ALMS1: variants seen among roughly 807,000 people sequenced by gnomAD.
The protein encoded by ALMS1 is centrosome-associated protein ALMS1.
Under a neutral mutation model 352.2 loss-of-function variants are expected in ALMS1, and 271 were observed. The observed-to-expected ratio is 0.77, with a 90% CI of 0.70 to 0.85. The LOEUF (loss-of-function observed/expected upper bound fraction) is 0.85, where lower values mean the gene tolerates loss of function less well. Ranked by LOEUF, ALMS1 falls within the 40% of genes least tolerant of loss-of-function variation. The pLI, the probability that ALMS1 is intolerant of heterozygous loss-of-function variation, is 0.00. For missense variants in ALMS1, 5,445 were observed against 4,870.7 expected, an observed-to-expected ratio of 1.12 and a Z score of -3.51; for synonymous variants, 1,865 against 1,761.2, an observed-to-expected ratio of 1.06 and a Z score of -1.48.
In ALMS1 at chr2:73,490,231, C is replaced by T. The variant is rs756042345; in HGVS notation, c.8272C>T (p.Gln2758Ter). 6.2e-7 allele frequency: 1 copy of T among 1,614,066 alleles called. No homozygotes were observed. The highest frequency in any genetic ancestry group is 8.5e-7 in the Non-Finnish European group (1 of 1,179,998). ...GVFNSHFTEE[Q>*]NPPRDLKQKT... ...ATTTAATTCTCATTTCACTGAAGAA[C>T]AAAATCCTCCCAGAGATCTTAAACA... is the stretch of plus-strand genomic sequence containing the variant. The change falls in exon 10 of 23, where the codon CAA (glutamine) becomes TAA (stop). Residue 2758 changes from glutamine (Q) to a stop codon, truncating the protein, a stop_gained. Transcript: ENST00000613296. LOFTEE classifies it high-confidence loss of function.
intron 9 of ALMS1, among the ~76,000 whole-genome samples, chr2:73,466,598 A>C (rs1485640618): frequency 6.6e-6 from 1 of 152,116 alleles, no homozygotes; most frequent in Non-Finnish European, 1.5e-5. Flanking sequence ...ATATGTAACA[A>C]ACCTGCACAT....
At chr2:73,483,721 G>C (rs1169764303) in intron 9 of ALMS1, among the ~76,000 whole-genome samples, 4 of 149,580 alleles carry the variant, frequency 2.7e-5, no homozygotes, top group African/African-American at 5.0e-5. Context: ...TCTCTTTGTA[G>C]GTCACTCAGG....
chr2:73,452,057 A>C lies in ALMS1; in HGVS notation c.5530A>C (p.Asn1844His). Residue 1844 changes from asparagine to histidine, a missense_variant, in exon 8 of 23, where the codon AAC (asparagine) becomes CAC (histidine). Asn to His is a moderately conservative substitution (Grantham distance 68). Transcript: ENST00000613296. ...ACCAGCTGACCAGAAGACTGGAATAAACATCCTGCCCTCTAATTCCTACCC... is the reference window on the plus strand; with the variant it reads ...ACCAGCTGACCAGAAGACTGGAATACACATCCTGCCCTCTAATTCCTACCC... Reference protein sequence around the residue: ...PGPADQKTGINILPSNSYPQR... With the variant: ...PGPADQKTGIHILPSNSYPQR... 1.2e-6 allele frequency: 2 copies of C among 1,613,982 alleles called. No homozygotes were observed. The highest frequency in any genetic ancestry group is 1.7e-6 in the Non-Finnish European group (2 of 1,179,966).
At chr2:73,493,346 TACACACACACACAC>T (rs55857864) in intron 10 of ALMS1, among the ~76,000 whole-genome samples, 15 of 144,416 alleles carry the variant, frequency 1.0e-4, no homozygotes, top group South Asian at 2.2e-4. Context: ...TAAGGCAAAC[TACACACACACACAC>T]ACACACACAC....
chr2:73,458,947 A>G (rs1427431820), intron 9 of ALMS1: 3 of 152,230 alleles, frequency 2.0e-5, no homozygotes, highest in Non-Finnish European at 4.4e-5. Flanking sequence ...AATGTACAAG[A>G]CAGTTCCACA....
intron 7 of ALMS1, among the ~76,000 whole-genome samples, 170 bp from the exon 8 acceptor site, chr2:73,447,790 T>C (rs1246413849): frequency 6.6e-6 from 1 of 152,258 alleles, no homozygotes; most frequent in Non-Finnish European, 1.5e-5. Context: ...GTTTTTACTT[T>C]AGTTTTCTAA....
intron 2 of ALMS1, among the ~76,000 whole-genome samples, chr2:73,412,359 C>G (rs145501019): frequency 6.6e-6 from 1 of 152,272 alleles, no homozygotes; most frequent in East Asian, 1.9e-4. Context: ...TGACTTCTTT[C>G]ACTTGGCTTA....
intron 9 of ALMS1, among the ~76,000 whole-genome samples, chr2:73,474,532 T>A (rs1432416339): frequency 6.6e-6 from 1 of 152,044 alleles, no homozygotes; most frequent in African/African-American, 2.4e-5. Context: ...TGGAGTGTAG[T>A]GGCTGGATCT....
At position 73,448,768 on chromosome 2, in the gene ALMS1, T is replaced by A; in HGVS notation, c.2241T>A (p.Pro747=). 2 of 1,614,166 alleles carry A rather than the reference T, an allele frequency of 1.2e-6. No homozygotes were observed. Among genetic ancestry groups the A allele is most frequent in the Non-Finnish European group, 1.7e-6 (2 of 1,179,984 alleles). Residue 747 remains proline (P), a synonymous_variant, in exon 8 of 23, where the codon CCT becomes CCA. Coordinates refer to ENST00000613296, the MANE Select transcript of ALMS1 (RefSeq NM_001378454.1). ...EETLTKVSAT[P]GPADQKTEIP... ...CTCTTACTAAAGTTTCAGCCACTCC[T>A]GGACCAGCTGACCAGAAGACTGAGA...
At chr2:73,405,333 A>G (rs146872550) in intron 1 of ALMS1, among the ~76,000 whole-genome samples, 77 of 152,192 alleles carry the variant, frequency 5.1e-4, no homozygotes, top group African/African-American at 1.8e-3. Flanking sequence ...GTTTCTAGGA[A>G]TTGATCTGTT....
chr2:73,399,907 G>T (rs149503722), intron 1 of ALMS1, among the ~76,000 whole-genome samples: 1 of 150,050 alleles, frequency 6.7e-6, no homozygotes, highest in Non-Finnish European at 1.5e-5. Flanking sequence ...TTCTTCTAAA[G>T]CTTGTCAACA....
At chr2:73,500,231 G>A (rs1321767279) in intron 10 of ALMS1, among the ~76,000 whole-genome samples, 1 of 152,202 alleles carries the variant, frequency 6.6e-6, no homozygotes, top group African/African-American at 2.4e-5. Flanking sequence ...GACCCAACTA[G>A]TTTCAGGTTA....
intron 9 of ALMS1, among the ~76,000 whole-genome samples, chr2:73,472,156 CAG>C (rs1317115469): frequency 4.6e-5 from 7 of 151,802 alleles, no homozygotes; most frequent in East Asian, 3.9e-4. Flanking sequence ...ATTCAGAAAA[CAG>C]AGAGTAGAAT....
intron 11 of ALMS1, among the ~76,000 whole-genome samples, chr2:73,523,252 A>G (rs989145869): frequency 5.3e-5 from 8 of 152,112 alleles, no homozygotes; most frequent in Admixed American, 4.6e-4. Flanking sequence ...TGCTCACTTT[A>G]TTTATTTATT....
intron 15 of ALMS1, among the ~76,000 whole-genome samples, chr2:73,564,444 C>T (rs1341395765): frequency 7.5e-6 from 1 of 133,022 alleles, no homozygotes; most frequent in African/African-American, 2.9e-5. Flanking sequence ...TCAGTCCAAA[C>T]GACAGAGCAA....
At position 73,396,550 on chromosome 2, in the gene ALMS1, CT is replaced by C. The variant is rs60473435; in HGVS notation, c.324+10379del. ...AGGTTACATCAAATGGGTCTGAGCT[CT>C]TTTTTTTTTTTTTTTTTTTTGCAGG... On this transcript the variant is annotated intron_variant, in intron 1 of 22. Transcript: ENST00000613296. Among the ~76,000 whole-genome samples, 65 of 78,252 alleles carry C rather than the reference CT, an allele frequency of 8.3e-4. 1 individual carries two copies. The highest frequency in any genetic ancestry group is 4.3e-3 in the South Asian group (9 of 2,078). 51.3% of individuals were successfully genotyped at this position (78,252 alleles called of 152,430 possible). A position where few individuals can be genotyped will look rare whatever the true frequency, so the allele number is the denominator to read the frequency against.
rs931811699 is a variant in ALMS1, at chr2:73,529,168, C to T, written c.9782-5656C>T. ...AAGCAATTCTCCTGCCTCACCCTCCCGAGTAGCTGGAACTACAGGGGTGCG... is the reference window on the plus strand; with the variant it reads ...AAGCAATTCTCCTGCCTCACCCTCCTGAGTAGCTGGAACTACAGGGGTGCG... On this transcript the variant is annotated intron_variant, in intron 11 of 22. Coordinates refer to ENST00000613296, the MANE Select transcript of ALMS1 (RefSeq NM_001378454.1). Among the ~76,000 whole-genome samples, 22 of 151,804 alleles carry T rather than the reference C, an allele frequency of 1.4e-4. No individual in the cohort carries two copies. The South Asian group carries it at 3.8e-3, about 26-fold the overall frequency.
intron 12 of ALMS1, 44 bp from the exon 13 acceptor site, chr2:73,550,223 A>G (rs1394852587): frequency 1.2e-6 from 2 of 1,608,780 alleles, no homozygotes; most frequent in Non-Finnish European, 1.7e-6. Context: ...TCTCAATCTC[A>G]TGTCGCTATT....
At chr2:73,519,634 C>T (rs1572991210) in intron 10 of ALMS1, 141 bp from the exon 11 acceptor site, 2 of 1,057,660 alleles carry the variant, frequency 1.9e-6, no homozygotes, top group South Asian at 1.7e-5. Context: ...GAAATTTTAC[C>T]TTAATAACGT....
Sources: gnomAD v4.1 joint callset for allele counts (sites outside exome capture counted in the v4.1 genomes callset) on GRCh38, gnomAD v4.1.1 for gene constraint, MANE v1.5 for transcripts, NCBI Gene and HGNC (gene_info 2026-07-23, HGNC 2026-07-21) for gene names.